SGIP1: variants seen among roughly 807,000 people sequenced by gnomAD.
SGIP1 encodes SH3-containing GRB2-like protein 3-interacting protein 1.
Under a neutral mutation model 107.5 loss-of-function variants are expected in SGIP1, and 38 were observed. The ratio of observed to expected loss-of-function variants is 0.35; its 90% CI spans 0.27 to 0.46. SGIP1 has a LOEUF of 0.46. Among genes scored for constraint, SGIP1 ranks in the 20% least tolerant of loss-of-function variants. SGIP1 has a pLI of 1.00. For missense variants in SGIP1, 929 were observed against 1,019.5 expected (o/e 0.91, Z 1.21); for synonymous variants, 365 against 366.1 (o/e 1.00, Z 0.03).
intron 1 of SGIP1, among the ~76,000 whole-genome samples, chr1:66,570,487 G>C (rs1424365931): frequency 2.6e-5 from 4 of 151,826 alleles, no homozygotes; most frequent in Non-Finnish European, 4.4e-5. Flanking sequence ...ATGTCTTGCA[G>C]GTAAGTTAAA....
At chr1:66,565,054 C>G (rs1271452636) in intron 1 of SGIP1, among the ~76,000 whole-genome samples, 1 of 151,956 alleles carries the variant, frequency 6.6e-6, no homozygotes, top group East Asian at 1.9e-4. Flanking sequence ...AGGGGGCAGA[C>G]AGTAGATGTA....
chr1:66,580,287 C>T (rs902534483), intron 1 of SGIP1, among the ~76,000 whole-genome samples: 2 of 152,158 alleles, frequency 1.3e-5, no homozygotes, highest in African/African-American at 4.8e-5. Flanking sequence ...TTCTCTCCAA[C>T]CACATGAGGG....
chr1:66,632,284 C>T (rs946854159), intron 2 of SGIP1, among the ~76,000 whole-genome samples: 1 of 152,176 alleles, frequency 6.6e-6, no homozygotes, highest in African/African-American at 2.4e-5. Context: ...ATAGTGCCAC[C>T]ATAGAATAGC....
chr1:66,538,943 T>C (rs1177802543), intron 1 of SGIP1, among the ~76,000 whole-genome samples: 1 of 152,204 alleles, frequency 6.6e-6, no homozygotes, highest in African/African-American at 2.4e-5. Flanking sequence ...ACTTTAGGTA[T>C]TTTCAGAAGT....
At chr1:66,685,647 A>G (rs1371781788) in intron 15 of SGIP1, among the ~76,000 whole-genome samples, 2 of 152,256 alleles carry the variant, frequency 1.3e-5, no homozygotes, top group Non-Finnish European at 2.9e-5. Flanking sequence ...AATTAACTGA[A>G]TATATTTCCT....
intron 1 of SGIP1, among the ~76,000 whole-genome samples, chr1:66,586,985 G>T (rs902808679): frequency 3.9e-5 from 6 of 152,054 alleles, no homozygotes; most frequent in South Asian, 2.1e-4. Flanking sequence ...TTGTTGTTTA[G>T]TTTGTCTTGG....
At chr1:66,546,169 G>T (rs938528542) in intron 1 of SGIP1, among the ~76,000 whole-genome samples, 6 of 152,160 alleles carry the variant, frequency 3.9e-5, no homozygotes, top group Non-Finnish European at 7.4e-5. Context: ...TCCCAGTAAA[G>T]TTCCTGGATG....
chr1:66,585,252 T>C (rs186884265), intron 1 of SGIP1, among the ~76,000 whole-genome samples: 2 of 152,316 alleles, frequency 1.3e-5, no homozygotes, highest in East Asian at 3.9e-4. Flanking sequence ...TTTTGTTCTG[T>C]TTTATTGTTT....
intron 15 of SGIP1, among the ~76,000 whole-genome samples, chr1:66,682,729 C>A (rs2087048523): frequency 6.6e-6 from 1 of 152,010 alleles, no homozygotes; most frequent in African/African-American, 2.4e-5. Flanking sequence ...TGTCTGATTT[C>A]CTTGTCGGAT....
At chr1:66,552,594 C>T (rs1388194117) in intron 1 of SGIP1, among the ~76,000 whole-genome samples, 1 of 152,122 alleles carries the variant, frequency 6.6e-6, no homozygotes, top group Non-Finnish European at 1.5e-5. Context: ...TACACCTTAA[C>T]CCAATTTCAC....
intron 1 of SGIP1, among the ~76,000 whole-genome samples, chr1:66,544,323 C>T (rs2055794485): frequency 6.6e-6 from 1 of 152,142 alleles, no homozygotes; most frequent in Non-Finnish European, 1.5e-5. Context: ...TTGGAATTGG[C>T]ACATGAGATG....
Position 66,637,858 on chromosome 1 carries a change from C to CATAT in SGIP1, c.171+1844_171+1845insTATA, listed in dbSNP as rs527475200. Among the ~76,000 whole-genome samples the CATAT allele has an allele frequency of 2.7e-3, 408 of 149,366 alleles. 2 individuals carry two copies. Among genetic ancestry groups the CATAT allele is most frequent in the African/African-American group, 9.6e-3 (392 of 40,878 alleles). On this transcript the variant is annotated intron_variant, in intron 4 of 24. Coordinates refer to ENST00000371037, the MANE Select transcript of SGIP1 (RefSeq NM_032291.4). Reference sequence around the variant, plus strand: ...ATACATACACACATATATACATACACACATACATACACACAAATATATATA... The same window carrying CATAT: ...ATACATACACACATATATACATACACATATACATACATACACACAAATATATATA...
intron 17 of SGIP1, among the ~76,000 whole-genome samples, chr1:66,692,173 A>AAAG (rs1553158641): frequency 7.9e-5 from 12 of 151,074 alleles, no homozygotes; most frequent in African/African-American, 2.4e-4. Context: ...AAAAAAAAAA[A>AAAG]AGAGAGAGAG....
At position 66,682,040 on chromosome 1, in the gene SGIP1, C is replaced by G. The variant is rs773096121; in HGVS notation, c.986C>G (p.Pro329Arg). 1.9e-6 allele frequency: 3 copies of G among 1,614,120 alleles called. No individual in the cohort carries two copies. In the South Asian group the frequency reaches 3.3e-5, roughly 18 times the overall value. ...SPEHVTPELT[P>R]REKVVSPPAT... ...GAACATGTTACTCCGGAGTTGACTCCAAGGGAAAAAGTGGTGTCCCCACCA... is the reference window on the plus strand; with the variant it reads ...GAACATGTTACTCCGGAGTTGACTCGAAGGGAAAAAGTGGTGTCCCCACCA... The change falls in exon 15 of 25, where the codon CCA (proline) becomes CGA (arginine). Residue 329 changes from proline (P) to arginine (R), a missense_variant. Physicochemically the swap from Pro to Arg is moderately radical, Grantham distance 103 (BLOSUM62 -2). This residue lies in a region of SGIP1 where 588 missense variants were observed against 588.6 expected (regional missense o/e 1.00). Transcript: ENST00000371037.
At chr1:66,732,994 G>T (rs1332484418) in intron 20 of SGIP1, among the ~76,000 whole-genome samples, 1 of 152,136 alleles carries the variant, frequency 6.6e-6, no homozygotes, top group Non-Finnish European at 1.5e-5. Context: ...ACTCTTGCCT[G>T]ATTCTTTTTA....
At chr1:66,732,050 GA>G (rs1215491267) in intron 20 of SGIP1, among the ~76,000 whole-genome samples, 3 of 152,084 alleles carry the variant, frequency 2.0e-5, no homozygotes, top group African/African-American at 7.2e-5. Flanking sequence ...GGTTCTCTAA[GA>G]AATTATCACA....
At chr1:66,545,297 C>T (rs1183633819) in intron 1 of SGIP1, among the ~76,000 whole-genome samples, 1 of 150,770 alleles carries the variant, frequency 6.6e-6, no homozygotes, top group African/African-American at 2.4e-5. Context: ...CATTCTCTTG[C>T]CCTTGGACTT....
At chr1:66,672,071 G>T in intron 11 of SGIP1, 76 bp downstream of exon 11, 1 of 1,381,880 alleles carries the variant, frequency 7.2e-7, no homozygotes. Flanking sequence ...TCTCCTTTGA[G>T]CTAAACTCTC....
chr1:66,739,344 C>G lies in SGIP1; in HGVS notation c.2041C>G (p.Gln681Glu). 6.2e-7 allele frequency: 1 copy of G among 1,607,424 alleles called. No individual in the cohort carries two copies. The highest frequency in any genetic ancestry group is 8.5e-7 in the Non-Finnish European group (1 of 1,179,888). Residue 681 changes from glutamine to glutamate, a missense_variant, in exon 22 of 25, where the codon CAG becomes GAG. Around this residue, in one of 2 missense-constraint regions of SGIP1, gnomAD observed 341 missense variants for 430.9 expected, o/e 0.79. Coordinates refer to ENST00000371037, the MANE Select transcript of SGIP1 (RefSeq NM_032291.4). ...VDMLKYQVSA[Q>E]GIQSTPLNLA... ...CCTGTCGTTCGGCAAGGTGTCTGCCCAGGGCATTCAGTCCACACCTCTGAA... is the reference window on the plus strand; with the variant it reads ...CCTGTCGTTCGGCAAGGTGTCTGCCGAGGGCATTCAGTCCACACCTCTGAA...
Sources: allele counts gnomAD v4.1 joint callset (sites outside exome capture counted in the v4.1 genomes callset), GRCh38; gene constraint gnomAD v4.1.1; regional missense constraint gnomAD v4.1.1; transcripts MANE v1.5; gene names NCBI Gene and HGNC (gene_info 2026-07-23, HGNC 2026-07-21).